Variants in GABRG3 observed in about 807,000 individuals in gnomAD.
GABRG3 encodes the protein gamma-aminobutyric acid type A receptor subunit gamma3.
In GABRG3, 25 loss-of-function variants were observed where a neutral mutation model predicts 48.8. The observed-to-expected ratio is 0.51, with a 90% confidence interval of 0.37 to 0.72. GABRG3 has a LOEUF of 0.72. Among genes scored for constraint, GABRG3 ranks in the 30% least tolerant of loss-of-function variants. GABRG3 has a pLI of 0.00. For synonymous variants in GABRG3, 227 were observed against 217.6 expected, an observed-to-expected ratio of 1.04 and a Z score of -0.38; for missense variants, 394 against 577.9, an observed-to-expected ratio of 0.68 and a Z score of 3.26.
At chr15:27,288,778 T>C (rs1009440800) in intron 3 of GABRG3, among the ~76,000 whole-genome samples, 1 of 152,126 alleles carries the variant, frequency 6.6e-6, no homozygotes, top group Non-Finnish European at 1.5e-5. Flanking sequence ...TATCCAGTTA[T>C]GTACCAGTTC....
intron 3 of GABRG3, among the ~76,000 whole-genome samples, chr15:27,062,198 A>T (rs1389685679): frequency 6.6e-6 from 1 of 152,084 alleles, no homozygotes; most frequent in Non-Finnish European, 1.5e-5. Flanking sequence ...CTTTGGAGCC[A>T]GAGTCTGTGG....
intron 5 of GABRG3, among the ~76,000 whole-genome samples, chr15:27,388,589 T>C (rs62001353): frequency 0.13 from 20,067 of 152,054 alleles, 1,398 homozygotes; most frequent in East Asian, 0.18. Flanking sequence ...TGGCAATGTT[T>C]AGGAAAAGTC....
chr15:27,174,203 T>G (rs926074311), intron 3 of GABRG3, among the ~76,000 whole-genome samples: 3 of 152,232 alleles, frequency 2.0e-5, no homozygotes, highest in South Asian at 4.1e-4. Context: ...GTGGTTGCTT[T>G]GTTTAAATTA....
chr15:27,203,792 G>A (rs937958739), intron 3 of GABRG3, among the ~76,000 whole-genome samples: 3 of 152,150 alleles, frequency 2.0e-5, no homozygotes, highest in African/African-American at 7.2e-5. Context: ...AAAGAGTAGT[G>A]ATATTGAGCA....
intron 3 of GABRG3, among the ~76,000 whole-genome samples, chr15:27,193,735 G>A (rs1173801294): frequency 6.6e-6 from 1 of 152,126 alleles, no homozygotes; most frequent in Non-Finnish European, 1.5e-5. Context: ...ACTGACCTGC[G>A]CCCACTGTCT....
intron 2 of GABRG3, among the ~76,000 whole-genome samples, chr15:26,996,722 T>C (rs1483242399): frequency 6.6e-6 from 1 of 152,096 alleles, no homozygotes; most frequent in Non-Finnish European, 1.5e-5. Flanking sequence ...CAATCTCCGC[T>C]CACTGCAAGC....
intron 3 of GABRG3, among the ~76,000 whole-genome samples, chr15:27,152,669 A>T (rs1347435807): frequency 2.0e-5 from 3 of 152,118 alleles, no homozygotes; most frequent in Non-Finnish European, 4.4e-5. Flanking sequence ...TCAGTATTAA[A>T]TGTCTTTTCA....
At chr15:27,210,479 C>A (rs1248686749) in intron 3 of GABRG3, among the ~76,000 whole-genome samples, 1 of 152,216 alleles carries the variant, frequency 6.6e-6, no homozygotes, top group Non-Finnish European at 1.5e-5. Flanking sequence ...CGCGCACCTG[C>A]GTGCACACAC....
chr15:27,372,382 T>C (rs1407558629), intron 5 of GABRG3, among the ~76,000 whole-genome samples: 1 of 151,878 alleles, frequency 6.6e-6, no homozygotes, highest in Non-Finnish European at 1.5e-5. Context: ...AAACTTTTTG[T>C]ATTTATTTAT....
intron 3 of GABRG3, among the ~76,000 whole-genome samples, chr15:27,251,255 G>T (rs1890447778): frequency 6.6e-6 from 1 of 152,102 alleles, no homozygotes; most frequent in Non-Finnish European, 1.5e-5. Context: ...CCTCAGCGGT[G>T]CCTGTTTCAT....
intron 3 of GABRG3, among the ~76,000 whole-genome samples, chr15:27,056,685 C>G (rs938409784): frequency 6.6e-6 from 1 of 152,122 alleles, no homozygotes; most frequent in Non-Finnish European, 1.5e-5. Flanking sequence ...CAAGACCCCC[C>G]ACGGTGGCTT....
intron 3 of GABRG3, among the ~76,000 whole-genome samples, chr15:27,100,376 T>C (rs1037872175): frequency 6.6e-6 from 1 of 152,190 alleles, no homozygotes; most frequent in African/African-American, 2.4e-5. Flanking sequence ...TTATATGGTG[T>C]AACTGGAGAA....
At chr15:27,145,266 C>G (rs1898177568) in intron 3 of GABRG3, among the ~76,000 whole-genome samples, 2 of 151,682 alleles carry the variant, frequency 1.3e-5, no homozygotes, top group South Asian at 4.2e-4. Flanking sequence ...GAACATTCTA[C>G]AAACTAAGAA....
intron 3 of GABRG3, among the ~76,000 whole-genome samples, chr15:27,166,943 C>T (rs1225156729): frequency 3.9e-5 from 6 of 152,062 alleles, no homozygotes; most frequent in Admixed American, 1.3e-4. Flanking sequence ...TATTGAAAAC[C>T]GAAGAGAAAC....
At chr15:27,297,983 AAT>A (rs1892059586) in intron 3 of GABRG3, among the ~76,000 whole-genome samples, 1 of 47,598 alleles carries the variant, frequency 2.1e-5, no homozygotes, top group Non-Finnish European at 1.2e-4. Flanking sequence ...TTTTTTAATA[AAT>A]TAAAAATCAT....
At chr15:27,298,740 G>A (rs960129067) in intron 3 of GABRG3, among the ~76,000 whole-genome samples, 1 of 151,772 alleles carries the variant, frequency 6.6e-6, no homozygotes, top group Non-Finnish European at 1.5e-5. Flanking sequence ...AGAATGTGCA[G>A]GTTTGTTACA....
intron 3 of GABRG3, among the ~76,000 whole-genome samples, chr15:27,216,733 CTT>C (rs200517386): frequency 5.8e-5 from 6 of 103,890 alleles, no homozygotes; most frequent in Admixed American, 9.5e-5. Flanking sequence ...CAATTCATTT[CTT>C]TTTTTTTTTT....
At chr15:27,448,456 CAT>C (rs1432727148) in intron 5 of GABRG3, among the ~76,000 whole-genome samples, 1 of 152,208 alleles carries the variant, frequency 6.6e-6, no homozygotes, top group Admixed American at 6.5e-5. Flanking sequence ...TAATTATTCA[CAT>C]GATTATGCCT....
chr15:27,299,912 A>C (rs1892137012), intron 3 of GABRG3, among the ~76,000 whole-genome samples: 1 of 152,204 alleles, frequency 6.6e-6, no homozygotes, highest in African/African-American at 2.4e-5. Context: ...GAGGTCAAGA[A>C]AATGACTCCA....
Sources: allele counts gnomAD v4.1 joint callset (sites outside exome capture counted in the v4.1 genomes callset), GRCh38; gene constraint gnomAD v4.1.1; transcripts MANE v1.5; gene names NCBI Gene and HGNC (gene_info 2026-07-23, HGNC 2026-07-21).